The following ERC2 variants were observed in gnomAD, a reference collection of about 807,000 sequenced individuals.
ERC2 encodes ERC protein 2.
In ERC2, 42 loss-of-function variants were observed where a neutral mutation model predicts 114.8. The observed-to-expected ratio is 0.37, with a 90% CI of 0.29 to 0.47. ERC2 has a LOEUF of 0.47. Ranked by LOEUF, ERC2 falls within the 20% of genes least tolerant of loss-of-function variation. The pLI is 0.99. For synonymous variants in ERC2, 454 were observed against 425.5 expected (o/e 1.07, Z -0.82); for missense variants, 939 against 1,150.7 (o/e 0.82, Z 2.66).
At chr3:55,550,855 A>T (rs534682009) in intron 17 of ERC2, among the ~76,000 whole-genome samples, 3 of 152,094 alleles carry the variant, frequency 2.0e-5, no homozygotes, top group Middle Eastern at 3.4e-3. Flanking sequence ...TCTCTACTAA[A>T]AATACAAAAA....
chr3:55,664,410 C>G (rs142486343), intron 17 of ERC2, among the ~76,000 whole-genome samples: 1 of 152,278 alleles, frequency 6.6e-6, no homozygotes, highest in Non-Finnish European at 1.5e-5. Flanking sequence ...TTCCCCATTT[C>G]GTCATACATT....
chr3:56,296,193 G>T lies in ERC2; in HGVS notation c.900C>A (p.Ala300=), dbSNP rs1238124603. Reference sequence around the variant, plus strand: ...GAAGTTTTTTAATTGACTCATCTCGGGCATTGAGGGTTTGTTTCTGCGTTT... The same window carrying T: ...GAAGTTTTTTAATTGACTCATCTCGTGCATTGAGGGTTTGTTTCTGCGTTT... The part of the protein sequence containing the change: ...RIETQKQTLN[A]RDESIKKLLE... Residue 300 remains alanine (A), a synonymous_variant, in exon 3 of 18, where the codon GCC becomes GCA. Transcript: ENST00000288221. 5 of 1,613,828 alleles carry T rather than the reference G, an allele frequency of 3.1e-6. No individual in the cohort carries two copies. In the African/African-American group the frequency reaches 6.7e-5, roughly 22 times the overall value.
At chr3:56,169,926 A>G (rs1300490128) in intron 4 of ERC2, among the ~76,000 whole-genome samples, 1 of 152,208 alleles carries the variant, frequency 6.6e-6, no homozygotes, top group East Asian at 1.9e-4. Flanking sequence ...TTTCAAAGAA[A>G]TTAGCATTAA....
intron 14 of ERC2, among the ~76,000 whole-genome samples, chr3:55,739,230 G>T (rs190590637): frequency 5.3e-5 from 8 of 152,306 alleles, no homozygotes; most frequent in Middle Eastern, 3.4e-3. Flanking sequence ...ACATGTGCAT[G>T]TGTCTTTATT....
intron 2 of ERC2, among the ~76,000 whole-genome samples, chr3:56,417,628 A>C (rs2061218722): frequency 6.6e-6 from 1 of 152,224 alleles, no homozygotes; most frequent in African/African-American, 2.4e-5. Context: ...TCTATTTTAC[A>C]GGTAAGGAAA....
At chr3:56,003,002 A>AT in intron 10 of ERC2, 1 of 927,596 alleles carries the variant, frequency 1.1e-6, no homozygotes, top group Non-Finnish European at 1.5e-6. Context: ...AAACTCAAAT[A>AT]TTTTCAAAAC....
chr3:56,138,770 T>C (rs1318861189), intron 6 of ERC2, among the ~76,000 whole-genome samples: 1 of 152,244 alleles, frequency 6.6e-6, no homozygotes, highest in Non-Finnish European at 1.5e-5. Flanking sequence ...CTGCATTTGA[T>C]AACTATTTTA....
intron 13 of ERC2, among the ~76,000 whole-genome samples, chr3:55,893,181 T>C (rs2063692345): frequency 2.0e-5 from 3 of 152,192 alleles, no homozygotes; most frequent in Admixed American, 1.3e-4. Context: ...ATTTCTGTTA[T>C]GTATAAGCCA....
chr3:55,761,855 G>A (rs1434839243), intron 14 of ERC2, among the ~76,000 whole-genome samples: 3 of 146,606 alleles, frequency 2.0e-5, no homozygotes, highest in African/African-American at 5.1e-5. Flanking sequence ...TGGCCTGGGC[G>A]AAGGAGCGAG....
intron 7 of ERC2, among the ~76,000 whole-genome samples, chr3:56,025,920 A>G (rs1342694898): frequency 1.3e-5 from 2 of 152,198 alleles, no homozygotes; most frequent in African/African-American, 2.4e-5. Flanking sequence ...TTCATTCAAA[A>G]TGGAGGAATT....
intron 7 of ERC2, among the ~76,000 whole-genome samples, chr3:56,061,603 G>A (rs889711808): frequency 3.3e-5 from 5 of 152,118 alleles, no homozygotes; most frequent in Admixed American, 6.5e-5. Flanking sequence ...TGGCAATGAC[G>A]AGAAAAAATA....
At chr3:55,823,317 T>C (rs1278242060) in intron 14 of ERC2, among the ~76,000 whole-genome samples, 1 of 152,186 alleles carries the variant, frequency 6.6e-6, no homozygotes, top group Non-Finnish European at 1.5e-5. Flanking sequence ...AAAATCCCAA[T>C]ATCCTCCCAG....
At chr3:55,761,696 G>C (rs184864594) in intron 14 of ERC2, among the ~76,000 whole-genome samples, 53 of 152,180 alleles carry the variant, frequency 3.5e-4, no homozygotes, top group Non-Finnish European at 7.2e-4. Context: ...TGGATCATGA[G>C]GGACACATGG....
At chr3:56,196,275 A>G (rs116656447) in intron 3 of ERC2, among the ~76,000 whole-genome samples, 4,434 of 152,236 alleles carry the variant, frequency 0.029, 70 homozygotes, top group Middle Eastern at 0.058. Context: ...TTAGAAAACC[A>G]TCCCACACTC....
chr3:55,849,052 A>ATGGTAGGT (rs2061473528), intron 14 of ERC2, among the ~76,000 whole-genome samples: 1 of 152,108 alleles, frequency 6.6e-6, no homozygotes, highest in South Asian at 2.1e-4. Context: ...GCCAGGCTCT[A>ATGGTAGGT]TGGTAGGTGA....
At chr3:55,958,442 A>C (rs1048357128) in intron 12 of ERC2, among the ~76,000 whole-genome samples, 3 of 152,226 alleles carry the variant, frequency 2.0e-5, no homozygotes, top group African/African-American at 7.2e-5. Context: ...GACTCCACCC[A>C]GAACAGGCAG....
intron 4 of ERC2, among the ~76,000 whole-genome samples, chr3:56,163,597 T>C (rs2082168831): frequency 6.6e-6 from 1 of 152,082 alleles, no homozygotes; most frequent in Admixed American, 6.6e-5. Context: ...CTTTATCCTT[T>C]ATCATTATGT....
chr3:55,708,721 C>T (rs1463552329), intron 15 of ERC2, among the ~76,000 whole-genome samples: 1 of 150,916 alleles, frequency 6.6e-6, no homozygotes, highest in Non-Finnish European at 1.5e-5. Flanking sequence ...ATTTTTTAAC[C>T]CAAAGGTAAA....
chr3:56,423,449 A>G (rs1289992323), intron 2 of ERC2, among the ~76,000 whole-genome samples: 2 of 152,204 alleles, frequency 1.3e-5, no homozygotes, highest in African/African-American at 4.8e-5. Context: ...CCAAGTTGTA[A>G]CAGTCAAAAA....
Sources: allele counts gnomAD v4.1 joint callset (sites outside exome capture counted in the v4.1 genomes callset), GRCh38; gene constraint gnomAD v4.1.1; transcripts MANE v1.5; gene names NCBI Gene and HGNC (gene_info 2026-07-23, HGNC 2026-07-21).